The following LRMDA variants were observed in gnomAD, a reference collection of about 807,000 sequenced individuals.
LRMDA encodes leucine rich melanocyte differentiation associated, also known as leucine-rich melanocyte differentiation-associated protein.
LRMDA carries 18 observed loss-of-function variants against 29.8 expected under a neutral mutation model. The observed-to-expected ratio is 0.60, with a 90% confidence interval of 0.42 to 0.90. The LOEUF is 0.90. LRMDA is among the 40% of genes least tolerant of loss of function. The pLI is 0.00. For missense variants in LRMDA, 273 were observed against 273.9 expected (o/e 1.00, Z 0.02); for synonymous variants, 125 against 109.4 (o/e 1.14, Z -0.89).
At chr10:76,541,296 G>A (rs1286641620) in intron 6 of LRMDA, among the ~76,000 whole-genome samples, 1 of 152,090 alleles carries the variant, frequency 6.6e-6, no homozygotes, top group Non-Finnish European at 1.5e-5. Flanking sequence ...AGGTCAGGAG[G>A]TCGAGTCCAG....
At chr10:75,484,526 G>C (rs1176784903) in intron 2 of LRMDA, among the ~76,000 whole-genome samples, 1 of 152,072 alleles carries the variant, frequency 6.6e-6, no homozygotes, top group Non-Finnish European at 1.5e-5. Context: ...GCATTTTTCA[G>C]GATTTGTTCT....
chr10:76,554,580 A>T (rs1467539872), intron 6 of LRMDA, among the ~76,000 whole-genome samples: 1 of 152,216 alleles, frequency 6.6e-6, no homozygotes, highest in Non-Finnish European at 1.5e-5. Flanking sequence ...TTCTCTCACC[A>T]GGATGTCTAT....
At chr10:75,700,683 C>G (rs1017869061) in intron 2 of LRMDA, among the ~76,000 whole-genome samples, 2 of 152,054 alleles carry the variant, frequency 1.3e-5, no homozygotes. Flanking sequence ...AGAGCTTTCT[C>G]TAAGAGATTA....
chr10:76,015,769 G>C (rs1847870375), intron 2 of LRMDA, among the ~76,000 whole-genome samples: 1 of 152,162 alleles, frequency 6.6e-6, no homozygotes, highest in Non-Finnish European at 1.5e-5. Context: ...TACCCACTTA[G>C]ACAGATTTCA....
intron 6 of LRMDA, among the ~76,000 whole-genome samples, chr10:76,447,065 TA>T (rs1489930322): frequency 2.6e-5 from 4 of 151,802 alleles, no homozygotes; most frequent in Non-Finnish European, 5.9e-5. Flanking sequence ...TTTTTTTTTT[TA>T]ACCTCATTAT....
At chr10:75,563,842 G>A (rs1242255407) in intron 2 of LRMDA, among the ~76,000 whole-genome samples, 2 of 151,748 alleles carry the variant, frequency 1.3e-5, no homozygotes, top group Non-Finnish European at 2.9e-5. Context: ...CTGCAGAACA[G>A]CGGATTTTCG....
At chr10:75,948,763 T>C (rs527846948) in intron 2 of LRMDA, among the ~76,000 whole-genome samples, 1 of 152,184 alleles carries the variant, frequency 6.6e-6, no homozygotes, top group East Asian at 1.9e-4. Context: ...AGACAGTGCA[T>C]TTGTCTGTCA....
chr10:76,533,656 G>T (rs993666273), intron 6 of LRMDA, among the ~76,000 whole-genome samples: 1 of 152,076 alleles, frequency 6.6e-6, no homozygotes, highest in African/African-American at 2.4e-5. Context: ...TACTTTACTT[G>T]CTTATTATAC....
chr10:76,454,918 G>T (rs924393178), intron 6 of LRMDA, among the ~76,000 whole-genome samples: 1 of 152,228 alleles, frequency 6.6e-6, no homozygotes, highest in East Asian at 1.9e-4. Flanking sequence ...GGTTTGACTG[G>T]GGCCAAGTTG....
intron 5 of LRMDA, among the ~76,000 whole-genome samples, chr10:76,178,236 G>A (rs1242672552): frequency 6.6e-6 from 1 of 152,198 alleles, no homozygotes; most frequent in Admixed American, 6.5e-5. Context: ...CAGTGGGGCT[G>A]AGTGAGCAAT....
At chr10:75,741,780 AC>A (rs1347113493) in intron 2 of LRMDA, among the ~76,000 whole-genome samples, 2 of 152,080 alleles carry the variant, frequency 1.3e-5, no homozygotes, top group African/African-American at 4.8e-5. Context: ...CGCACAGCCA[AC>A]CTTCCTGTTA....
At chr10:75,675,555 T>C (rs1841949210) in intron 2 of LRMDA, among the ~76,000 whole-genome samples, 1 of 152,172 alleles carries the variant, frequency 6.6e-6, no homozygotes, top group African/African-American at 2.4e-5. Flanking sequence ...AGAGGCAGCA[T>C]GGGGTGATTA....
intron 6 of LRMDA, among the ~76,000 whole-genome samples, chr10:76,415,316 C>G (rs927343887): frequency 3.3e-5 from 5 of 152,192 alleles, no homozygotes; most frequent in Non-Finnish European, 7.3e-5. Flanking sequence ...AGACCTGCTA[C>G]AAGGGCTTTC....
intron 2 of LRMDA, among the ~76,000 whole-genome samples, chr10:75,984,102 G>T (rs138089146): frequency 6.6e-6 from 1 of 152,218 alleles, no homozygotes; most frequent in Non-Finnish European, 1.5e-5. Context: ...GAATGTCAGT[G>T]TCTGGGCATA....
intron 2 of LRMDA, among the ~76,000 whole-genome samples, chr10:75,711,962 T>C (rs1162858547): frequency 6.6e-6 from 1 of 152,048 alleles, no homozygotes; most frequent in Non-Finnish European, 1.5e-5. Flanking sequence ...TATATATGTA[T>C]ACATATATAT....
chr10:76,452,347 C>G (rs1331754209), intron 6 of LRMDA, among the ~76,000 whole-genome samples: 1 of 152,182 alleles, frequency 6.6e-6, no homozygotes, highest in Non-Finnish European at 1.5e-5. Flanking sequence ...ACACTTAACT[C>G]TCTTTTAAAT....
In LRMDA at chr10:75,987,463, C is replaced by T. The variant is rs1294720152; in HGVS notation, c.132-48545C>T. ...CAGAACATTTCCAGACATAAGTATC[C>T]CTATAGCATGAATGCCCCAAGTAGT... On this transcript the variant is annotated intron_variant, in intron 2 of 6. Coordinates refer to ENST00000611255, the MANE Select transcript of LRMDA (RefSeq NM_001305581.2). Among the ~76,000 whole-genome samples the T allele has an allele frequency of 2.6e-5, 4 of 152,182 alleles. No individual in the cohort carries two copies. The East Asian group carries it at 7.7e-4, about 29-fold the overall frequency.
chr10:75,715,674 T>TA (rs1319499359), intron 2 of LRMDA, among the ~76,000 whole-genome samples: 1 of 152,238 alleles, frequency 6.6e-6, no homozygotes, highest in African/African-American at 2.4e-5. Flanking sequence ...AATTTTTTTT[T>TA]ACCTATATAA....
intron 2 of LRMDA, among the ~76,000 whole-genome samples, chr10:75,480,893 G>A (rs1026846624): frequency 1.3e-5 from 2 of 152,158 alleles, no homozygotes; most frequent in Non-Finnish European, 2.9e-5. Context: ...TTTGTGTTGA[G>A]TGGATGTGGA....
Sources: gnomAD v4.1 joint callset for allele counts (sites outside exome capture counted in the v4.1 genomes callset) on GRCh38, gnomAD v4.1.1 for gene constraint, MANE v1.5 for transcripts, NCBI Gene and HGNC (gene_info 2026-07-23, HGNC 2026-07-21) for gene names.